Variants in TPH2 observed in about 807,000 individuals in gnomAD.
TPH2 encodes the protein tryptophan 5-hydroxylase 2.
A neutral mutation model predicts 59.1 loss-of-function variants in TPH2; 27 were observed. That is an observed-to-expected ratio of 0.46 (90% CI 0.34 to 0.63). TPH2 has a LOEUF of 0.63. Ranked by LOEUF, TPH2 falls within the 30% of genes least tolerant of loss-of-function variation. The pLI is 0.01. For synonymous variants in TPH2, 220 were observed against 210.5 expected (o/e 1.05, Z -0.39); for missense variants, 523 against 588.3 (o/e 0.89, Z 1.15).
intron 5 of TPH2, among the ~76,000 whole-genome samples, chr12:71,969,316 G>C (rs576443911): frequency 6.6e-6 from 1 of 152,198 alleles, no homozygotes; most frequent in East Asian, 1.9e-4. Flanking sequence ...TGATATACAA[G>C]GATATATCGA....
At chr12:71,968,871 G>A (rs930661227) in intron 5 of TPH2, among the ~76,000 whole-genome samples, 1 of 152,188 alleles carries the variant, frequency 6.6e-6, no homozygotes, top group African/African-American at 2.4e-5. Context: ...CAGCTGCTGG[G>A]GAATTTCTCT....
intron 7 of TPH2, among the ~76,000 whole-genome samples, chr12:71,983,151 A>G (rs568678571): frequency 1.3e-5 from 2 of 152,240 alleles, no homozygotes; most frequent in Admixed American, 6.5e-5. Context: ...AACCCCTGGC[A>G]AATTAGTGAC....
intron 7 of TPH2, among the ~76,000 whole-genome samples, chr12:71,992,836 CTTTA>C (rs1055536719): frequency 6.6e-6 from 1 of 152,180 alleles, no homozygotes; most frequent in Non-Finnish European, 1.5e-5. Flanking sequence ...TCTCTCTCTT[CTTTA>C]TTTTTCATTT....
intron 1 of TPH2, among the ~76,000 whole-genome samples, chr12:71,940,663 G>A (rs1213959822): frequency 1.3e-5 from 2 of 152,032 alleles, no homozygotes; most frequent in Non-Finnish European, 2.9e-5. Context: ...TGTTGTTTTT[G>A]TTTTGTTTCC....
At chr12:71,975,041 T>C (rs968974842) in intron 6 of TPH2, among the ~76,000 whole-genome samples, 2 of 152,144 alleles carry the variant, frequency 1.3e-5, no homozygotes, top group Non-Finnish European at 2.9e-5. Flanking sequence ...TTTATAGCCA[T>C]TTTAATGTGT....
rs1872009991 is a variant in TPH2, at chr12:71,972,755, C to T, written c.805+40C>T. On this transcript the variant is annotated intron_variant, in intron 6 of 10. Coordinates refer to ENST00000333850, the MANE Select transcript of TPH2 (RefSeq NM_173353.4). ...AGGCTGTCTCTTATTAGTCAATATC[C>T]TCAATTGCCTTCCAAGGACACAGGT... is the stretch of plus-strand genomic sequence containing the variant. The T allele has an allele frequency of 6.9e-6, 11 of 1,583,394 alleles. No homozygotes were observed. In the East Asian group the frequency reaches 2.5e-4, roughly 35 times the overall value.
intron 4 of TPH2, among the ~76,000 whole-genome samples, chr12:71,947,429 ACT>A (rs1367213835): frequency 6.7e-5 from 10 of 149,060 alleles, no homozygotes. Flanking sequence ...GAGGGTGGGT[ACT>A]CTCTGGCTGC....
intron 8 of TPH2, among the ~76,000 whole-genome samples, chr12:72,001,907 T>TA (rs57559608): frequency 3.9e-5 from 6 of 151,948 alleles, no homozygotes; most frequent in African/African-American, 1.4e-4. Context: ...TGTTAAAGTA[T>TA]AAAAAAAGTG....
intron 7 of TPH2, among the ~76,000 whole-genome samples, chr12:71,981,746 G>A (rs1444005323): frequency 6.6e-6 from 1 of 151,834 alleles, no homozygotes; most frequent in Non-Finnish European, 1.5e-5. Flanking sequence ...GGAGGGAAGA[G>A]GAGGATTTGG....
intron 8 of TPH2, among the ~76,000 whole-genome samples, chr12:72,013,842 T>A (rs1340495911): frequency 6.6e-6 from 1 of 151,804 alleles, no homozygotes; most frequent in South Asian, 2.1e-4. Context: ...CCAGCCCTAA[T>A]GTCTTCCAGC....
intron 1 of TPH2, 62 bp from the exon 2 acceptor site, chr12:71,941,522 T>C: frequency 1.9e-6 from 3 of 1,563,676 alleles, no homozygotes; most frequent in South Asian, 1.2e-5. Context: ...AAAAATCTAA[T>C]TACGGAGGAT....
At chr12:72,007,163 A>G (rs757063269) in intron 8 of TPH2, among the ~76,000 whole-genome samples, 3 of 152,184 alleles carry the variant, frequency 2.0e-5, no homozygotes, top group Non-Finnish European at 2.9e-5. Flanking sequence ...TGTTTTAACC[A>G]TAAATAATAG....
chr12:71,974,164 G>GT (rs1437582005), intron 6 of TPH2, among the ~76,000 whole-genome samples: 6 of 152,004 alleles, frequency 3.9e-5, no homozygotes, highest in African/African-American at 1.2e-4. Context: ...TATCAGTACT[G>GT]TTTTTTCTAA....
chr12:71,993,441 C>G (rs991411642), intron 7 of TPH2, among the ~76,000 whole-genome samples: 2 of 152,134 alleles, frequency 1.3e-5, no homozygotes, highest in Non-Finnish European at 2.9e-5. Flanking sequence ...TCCCAGACAA[C>G]CATAGGGGAA....
intron 1 of TPH2, among the ~76,000 whole-genome samples, chr12:71,939,664 A>G (rs1209658103): frequency 1.3e-5 from 2 of 152,118 alleles, no homozygotes; most frequent in Non-Finnish European, 2.9e-5. Flanking sequence ...AATTTTTTTC[A>G]GTTTACTTGA....
At chr12:71,989,034 A>G (rs756202387) in intron 7 of TPH2, among the ~76,000 whole-genome samples, 1 of 150,328 alleles carries the variant, frequency 6.7e-6, no homozygotes, top group Non-Finnish European at 1.5e-5. Context: ...GCACATCCTT[A>G]TGATTCCTAA....
intron 8 of TPH2, among the ~76,000 whole-genome samples, chr12:72,003,115 G>C (rs1021167816): frequency 6.6e-6 from 1 of 152,128 alleles, no homozygotes; most frequent in African/African-American, 2.4e-5. Context: ...ACCTGGCTGG[G>C]GATGGGGAAT....
chr12:72,025,848 T>C (rs148583392), intron 9 of TPH2, among the ~76,000 whole-genome samples: 128 of 152,370 alleles, frequency 8.4e-4, no homozygotes, highest in African/African-American at 3.0e-3. Flanking sequence ...TTTCTCTTTA[T>C]CCTGAGTTGA....
At chr12:71,969,883 T>C (rs1871923421) in intron 5 of TPH2, among the ~76,000 whole-genome samples, 1 of 152,206 alleles carries the variant, frequency 6.6e-6, no homozygotes, top group African/African-American at 2.4e-5. Context: ...GAGCCTCACT[T>C]TCCTCATCCA....
Sources: gnomAD v4.1 joint callset for allele counts (sites outside exome capture counted in the v4.1 genomes callset) on GRCh38, gnomAD v4.1.1 for gene constraint, MANE v1.5 for transcripts, NCBI Gene and HGNC (gene_info 2026-07-23, HGNC 2026-07-21) for gene names.